MARK3: variants seen among roughly 807,000 people sequenced by gnomAD.
The protein encoded by MARK3 is MAP/microtubule affinity-regulating kinase 3.
A neutral mutation model predicts 90.1 loss-of-function variants in MARK3; 46 were observed. That is an observed-to-expected ratio of 0.51 (90% confidence interval 0.40 to 0.65). The LOEUF is 0.65. Ranked by LOEUF, MARK3 falls within the 30% of genes least tolerant of loss-of-function variation. MARK3 has a pLI of 0.00. For missense variants in MARK3, 818 were observed against 947.2 expected (o/e 0.86, Z 1.79); for synonymous variants, 321 against 332.6 (o/e 0.97, Z 0.38).
At chr14:103,477,890 T>C (rs2093742478) in intron 13 of MARK3, among the ~76,000 whole-genome samples, 1 of 151,772 alleles carries the variant, frequency 6.6e-6, no homozygotes, top group African/African-American at 2.4e-5. Flanking sequence ...ACTTGAGAGC[T>C]TGAGAGGCTC....
intron 1 of MARK3, among the ~76,000 whole-genome samples, chr14:103,403,570 T>C (rs2091100091): frequency 6.6e-6 from 1 of 152,182 alleles, no homozygotes; most frequent in South Asian, 2.1e-4. Context: ...CTGTTACTGT[T>C]TTCATGAAAC....
At chr14:103,414,521 A>G (rs1193743456) in intron 2 of MARK3, among the ~76,000 whole-genome samples, 1 of 152,118 alleles carries the variant, frequency 6.6e-6, no homozygotes, top group African/African-American at 2.4e-5. Flanking sequence ...TACTTTTCTC[A>G]GCTAAGATCT....
intron 3 of MARK3, among the ~76,000 whole-genome samples, chr14:103,448,587 C>G (rs1158383062): frequency 6.6e-6 from 1 of 152,176 alleles, no homozygotes; most frequent in Non-Finnish European, 1.5e-5. Context: ...CTGAATCAGA[C>G]TAAGTTTAAT....
chr14:103,492,184 C>A, intron 15 of MARK3, 150 bp downstream of exon 15: 1 of 820,158 alleles, frequency 1.2e-6, no homozygotes, highest in Non-Finnish European at 1.9e-6. Context: ...TAACTTTATA[C>A]TTTAAAACCT....
At chr14:103,388,899 AT>A (rs918064236) in intron 1 of MARK3, among the ~76,000 whole-genome samples, 2 of 151,884 alleles carry the variant, frequency 1.3e-5, no homozygotes, top group Non-Finnish European at 2.9e-5. Flanking sequence ...ATGTGCCACA[AT>A]TTTTTTTAAT....
intron 6 of MARK3, among the ~76,000 whole-genome samples, chr14:103,458,196 G>A (rs1435917476): frequency 6.6e-6 from 1 of 152,160 alleles, no homozygotes; most frequent in Non-Finnish European, 1.5e-5. Flanking sequence ...GATGGCTCAT[G>A]CCTGTAATCC....
At chr14:103,410,975 T>G (rs183577688) in intron 2 of MARK3, among the ~76,000 whole-genome samples, 92 of 152,276 alleles carry the variant, frequency 6.0e-4, no homozygotes, top group Non-Finnish European at 1.1e-3. Flanking sequence ...GTCCCGTGAC[T>G]TAAAAAACAG....
intron 3 of MARK3, among the ~76,000 whole-genome samples, chr14:103,430,412 T>A (rs1452562687): frequency 1.7e-5 from 2 of 114,768 alleles, no homozygotes; most frequent in Non-Finnish European, 3.2e-5. Flanking sequence ...CAATGTAGAA[T>A]GTACCAGGCA....
chr14:103,491,787 G>A lies in MARK3; in HGVS notation c.1597G>A (p.Asp533Asn). ...QNGKENSTIP[D>N]QRTPVASTHS... The stretch of plus-strand genomic sequence containing the variant: ...TTTCTGATCTCATAGCACTATTCCT[G>A]ATCAGAGAACTCCAGTTGCTTCAAC... The change falls in exon 15 of 18, where the codon GAT (aspartate) becomes AAT (asparagine). Residue 533 changes from aspartate (D) to asparagine (N), a missense_variant. Physicochemically the swap from Asp to Asn is conservative, Grantham distance 23 (BLOSUM62 1). Transcript: ENST00000429436. The A allele has an allele frequency of 6.2e-7, 1 of 1,614,052 alleles. No homozygotes were observed. Among genetic ancestry groups the A allele is most frequent in the Non-Finnish European group, 8.5e-7 (1 of 1,180,028 alleles).
At chr14:103,408,336 C>T (rs1363090139) in intron 2 of MARK3, among the ~76,000 whole-genome samples, 6 of 152,054 alleles carry the variant, frequency 3.9e-5, no homozygotes, top group East Asian at 1.9e-4. Context: ...TACAGGCACA[C>T]GCCACCGCAC....
chr14:103,465,803 G>C lies in MARK3; in HGVS notation c.777+10G>C. 6.2e-7 allele frequency: 1 copy of C among 1,605,246 alleles called. No individual in the cohort carries two copies. The highest frequency in any genetic ancestry group is 8.5e-7 in the Non-Finnish European group (1 of 1,173,922). ...TGGGCAAAACCTAAAGGTATAAGAA[G>C]CTGCACCCATGTACTTCACTAAACT... On this transcript the variant is annotated intron_variant, in intron 8 of 17. Coordinates refer to ENST00000429436, the MANE Select transcript of MARK3 (RefSeq NM_001128918.3).
rs1208186132 is a variant in MARK3, at chr14:103,388,643, A to C, written c.51+2563A>C. Among the ~76,000 whole-genome samples, 3 of 152,344 alleles carry C rather than the reference A, an allele frequency of 2.0e-5. No homozygotes were observed. The East Asian group carries it at 5.8e-4, about 29-fold the overall frequency. On this transcript the variant is annotated intron_variant, in intron 1 of 17. Transcript: ENST00000429436. The stretch of plus-strand genomic sequence containing the variant: ...CAAGATGTAGAACACTTCCATTGCC[A>C]GAAAGGTCCCTTATGGCCCTGTATA...
In MARK3 at chr14:103,411,128, G is replaced by T. The variant is rs59671094; in HGVS notation, c.243+5861G>T. ...TCTCTACTAAAAATACAAAAAATTA[G>T]CTGGGCATGGTGGCGGGCGCCTGTA... On this transcript the variant is annotated intron_variant, in intron 2 of 17. Coordinates refer to ENST00000429436, the MANE Select transcript of MARK3 (RefSeq NM_001128918.3). 5.8e-3 allele frequency among the ~76,000 whole-genome samples: 886 copies of T among 152,262 alleles called. 8 individuals are homozygous for T. Among genetic ancestry groups the T allele is most frequent in the African/African-American group, 0.02 (844 of 41,540 alleles).
At chr14:103,447,525 G>A (rs191770297) in intron 3 of MARK3, among the ~76,000 whole-genome samples, 46 of 152,232 alleles carry the variant, frequency 3.0e-4, no homozygotes, top group African/African-American at 1.0e-3. Flanking sequence ...CTGGGTTCCG[G>A]ACACATTCCC....
rs186248361 is a variant in MARK3, at chr14:103,427,760, T to C, written c.244-627T>C. On this transcript the variant is annotated intron_variant, in intron 2 of 17. Coordinates refer to ENST00000429436, the MANE Select transcript of MARK3 (RefSeq NM_001128918.3). ...GTGGTGGTGGGAGTGTCTTTTAGCATGCTGATGCATTATAATTAGCTTATA... is the reference window on the plus strand; with the variant it reads ...GTGGTGGTGGGAGTGTCTTTTAGCACGCTGATGCATTATAATTAGCTTATA... Among the ~76,000 whole-genome samples the C allele has an allele frequency of 2.1e-4, 32 of 152,286 alleles. 1 individual carries two copies. The East Asian group carries it at 5.8e-3, about 28-fold the overall frequency.
At position 103,503,241 on chromosome 14, in the gene MARK3, A is replaced by T; in HGVS notation, c.*14A>T. 1 of 1,585,210 alleles carries T rather than the reference A, an allele frequency of 6.3e-7. No homozygotes were observed. Among genetic ancestry groups the T allele is most frequent in the Non-Finnish European group, 8.6e-7 (1 of 1,159,264 alleles). On this transcript the variant is annotated 3_prime_UTR_variant, in exon 18 of 18. Coordinates refer to ENST00000429436, the MANE Select transcript of MARK3 (RefSeq NM_001128918.3). Reference sequence around the variant, plus strand: ...CTAAAGCTGTAACCCAGTGATTATGATGTAAATTAAGTAGCAATTAAAGTG... The same window carrying T: ...CTAAAGCTGTAACCCAGTGATTATGTTGTAAATTAAGTAGCAATTAAAGTG...
chr14:103,477,618 C>T (rs941011556), intron 13 of MARK3, among the ~76,000 whole-genome samples: 17 of 152,088 alleles, frequency 1.1e-4, no homozygotes, highest in African/African-American at 3.9e-4. Flanking sequence ...AATGCGGTGG[C>T]ATTTGGTACA....
intron 7 of MARK3, among the ~76,000 whole-genome samples, chr14:103,463,101 A>G (rs577558262): frequency 1.3e-5 from 2 of 149,706 alleles, no homozygotes; most frequent in South Asian, 4.2e-4. Flanking sequence ...CTCCTTCTCT[A>G]CTGGCTTTTC....
chr14:103,466,348 C>A lies in MARK3; in HGVS notation c.903C>A (p.Ile301=). 1.9e-6 allele frequency: 3 copies of A among 1,608,960 alleles called. No homozygotes were observed. The highest frequency in any genetic ancestry group is 1.1e-5 in the South Asian group (1 of 90,660). Reference sequence around the variant, plus strand: ...GAACAGTTTACCTTTTTTAGCAAATCATGAAGGACAGGTGGATCAATGCAG... The same window carrying A: ...GAACAGTTTACCTTTTTTAGCAAATAATGAAGGACAGGTGGATCAATGCAG... ...NPIKRGTLEQ[I]MKDRWINAGH... The change falls in exon 10 of 18, where the codon ATC becomes ATA. Residue 301 remains isoleucine, a synonymous_variant. Transcript: ENST00000429436.
Sources: allele counts gnomAD v4.1 joint callset (sites outside exome capture counted in the v4.1 genomes callset), GRCh38; gene constraint gnomAD v4.1.1; transcripts MANE v1.5; gene names NCBI Gene and HGNC (gene_info 2026-07-23, HGNC 2026-07-21).